Variants in TRAM1 observed in about 807,000 individuals in gnomAD.
TRAM1 encodes translocation associated membrane protein 1.
A neutral mutation model predicts 48.7 loss-of-function variants in TRAM1; 17 were observed. The observed-to-expected ratio is 0.35, with a 90% CI of 0.24 to 0.52. The LOEUF (loss-of-function observed/expected upper bound fraction) is 0.52, where lower values mean the gene tolerates loss of function less well. TRAM1 is among the 20% of genes least tolerant of loss of function. The pLI, the probability that TRAM1 is intolerant of heterozygous loss-of-function variation, is 0.94. For synonymous variants in TRAM1, 182 were observed against 154.0 expected, an observed-to-expected ratio of 1.18 and a Z score of -1.34; for missense variants, 351 against 441.5, an observed-to-expected ratio of 0.79 and a Z score of 1.84.
At chr8:70,583,596 A>G (rs901606694) in intron 9 of TRAM1, 54 bp downstream of exon 9, 32 of 1,571,266 alleles carry the variant, frequency 2.0e-5, no homozygotes, top group African/African-American at 1.5e-4. Context: ...AGAGAAACTG[A>G]TAATATATAT....
At chr8:70,580,000 T>C (rs1435301243) in intron 10 of TRAM1, among the ~76,000 whole-genome samples, 1 of 152,128 alleles carries the variant, frequency 6.6e-6, no homozygotes, top group Non-Finnish European at 1.5e-5. Context: ...GTTAAAACTG[T>C]TTTTTAAAAA....
At chr8:70,586,436 TAAAA>T (rs1170046943) in intron 8 of TRAM1, among the ~76,000 whole-genome samples, 1 of 151,770 alleles carries the variant, frequency 6.6e-6, no homozygotes, top group East Asian at 1.9e-4. Flanking sequence ...AATAAAATAA[TAAAA>T]AAAGAGTCCC....
At chr8:70,577,163 G>T (rs1043891370) in intron 10 of TRAM1, among the ~76,000 whole-genome samples, 23 of 152,176 alleles carry the variant, frequency 1.5e-4, no homozygotes, top group Non-Finnish European at 3.2e-4. Flanking sequence ...TTTGGGTGCT[G>T]ATGAGCACGA....
intron 6 of TRAM1, among the ~76,000 whole-genome samples, chr8:70,591,400 C>T (rs911906405): frequency 6.6e-6 from 1 of 152,158 alleles, no homozygotes; most frequent in Non-Finnish European, 1.5e-5. Context: ...ACGGTGTTCA[C>T]ATGTCTGAGG....
intron 5 of TRAM1, among the ~76,000 whole-genome samples, chr8:70,595,775 C>T (rs1817473268): frequency 6.6e-6 from 1 of 152,122 alleles, no homozygotes; most frequent in African/African-American, 2.4e-5. Context: ...TAGAGCTGGG[C>T]TCGAATAATG....
At chr8:70,597,409 A>G (rs1817511676) in intron 4 of TRAM1, among the ~76,000 whole-genome samples, 1 of 152,028 alleles carries the variant, frequency 6.6e-6, no homozygotes, top group African/African-American at 2.4e-5. Context: ...TGGTGGCTCA[A>G]GCCTGTAATC....
intron 5 of TRAM1, 29 bp downstream of exon 5, chr8:70,596,234 C>A (rs1440952659): frequency 1.3e-6 from 2 of 1,544,034 alleles, no homozygotes; most frequent in Non-Finnish European, 8.7e-7. Context: ...TGGTCCTTAA[C>A]AAAGAAAGGG....
rs1228390647 is a variant in TRAM1, at chr8:70,586,937, A to G, written c.704T>C (p.Ile235Thr). 1 of 1,613,928 alleles carries G rather than the reference A, an allele frequency of 6.2e-7. No homozygotes were observed. Among genetic ancestry groups the G allele is most frequent in the East Asian group, 2.2e-5 (1 of 44,854 alleles). The change falls in exon 8 of 11, where the codon ATT becomes ACT. Residue 235 changes from isoleucine (I) to threonine (T), a missense_variant. Physicochemically the swap from Ile to Thr is moderately conservative, Grantham distance 89. Transcript: ENST00000262213. ...ATTGCTAAAATAAAACAGGCGGGAA[A>G]TGTGGAAAAGAAATTCAACAAAATA... ...LHYFVEFLFH[I>T]SRLFYFSNEK...
At chr8:70,578,132 A>G (rs1430289801) in intron 10 of TRAM1, among the ~76,000 whole-genome samples, 1 of 152,200 alleles carries the variant, frequency 6.6e-6, no homozygotes, top group African/African-American at 2.4e-5. Context: ...GATGCAAGCA[A>G]TACTCAGGCA....
chr8:70,590,319 T>C (rs1351150068), intron 6 of TRAM1, among the ~76,000 whole-genome samples: 1 of 152,198 alleles, frequency 6.6e-6, no homozygotes, highest in Non-Finnish European at 1.5e-5. Context: ...AAAAACACTA[T>C]TATAAATTAC....
rs746933192 is a variant in TRAM1, at chr8:70,574,460, C to A, written c.*472G>T. Reference sequence around the variant, plus strand: ...CCAGGTGTAAAGTCTACAAAAATTCCAAAAAATTAGAGAACACTGAAAACA... The same window carrying A: ...CCAGGTGTAAAGTCTACAAAAATTCAAAAAAATTAGAGAACACTGAAAACA... On this transcript the variant is annotated 3_prime_UTR_variant, in exon 11 of 11. Transcript: ENST00000262213. 18 of 208,092 alleles carry A rather than the reference C, an allele frequency of 8.7e-5. No homozygotes were observed. In the Middle Eastern group the frequency reaches 2.9e-3, roughly 33 times the overall value. The allele number at this position is 208,092 out of a possible 1,614,324, so 12.9% of individuals were successfully genotyped here.
At chr8:70,589,843 TCAAAA>T (rs529112697) in intron 6 of TRAM1, among the ~76,000 whole-genome samples, 21 of 152,194 alleles carry the variant, frequency 1.4e-4, no homozygotes, top group East Asian at 1.4e-3. Flanking sequence ...AGACCTTGTC[TCAAAA>T]CAAAACAAAA....
At chr8:70,606,334 G>A (rs28668160) in intron 1 of TRAM1, among the ~76,000 whole-genome samples, 4,087 of 152,194 alleles carry the variant, frequency 0.027, 164 homozygotes, top group African/African-American at 0.094. Flanking sequence ...GACCACAGGT[G>A]CGTGCTATCT....
At chr8:70,589,205 C>T (rs751961036) in intron 6 of TRAM1, among the ~76,000 whole-genome samples, 41 of 152,204 alleles carry the variant, frequency 2.7e-4, no homozygotes, top group South Asian at 8.3e-4. Context: ...AAAATTGATA[C>T]CAAGTTTACA....
At chr8:70,586,513 T>C (rs1030399978) in intron 8 of TRAM1, among the ~76,000 whole-genome samples, 5 of 152,160 alleles carry the variant, frequency 3.3e-5, no homozygotes, top group African/African-American at 9.7e-5. Flanking sequence ...AATTCTGTTT[T>C]CAGTTCAATT....
rs114035697 is a variant in TRAM1, at chr8:70,603,040, C to T, written c.124-2958G>A. On this transcript the variant is annotated intron_variant, in intron 1 of 10. Transcript: ENST00000262213. ...GGATACGGCCAGTAAAGTGAGTTGC[C>T]GAACTGGGTTAGATATGAAGGTCTC... is the stretch of plus-strand genomic sequence containing the variant. 9.9e-3 allele frequency among the ~76,000 whole-genome samples: 1,506 copies of T among 152,008 alleles called. 23 individuals carry two copies. Among genetic ancestry groups the T allele is most frequent in the African/African-American group, 0.034 (1,421 of 41,468 alleles).
chr8:70,600,375 C>T (rs1193313307), intron 1 of TRAM1, among the ~76,000 whole-genome samples: 2 of 152,104 alleles, frequency 1.3e-5, no homozygotes, highest in Non-Finnish European at 2.9e-5. Flanking sequence ...TGATGATTCT[C>T]TACTCTAGCC....
At chr8:70,591,164 G>A (rs747895941) in intron 6 of TRAM1, among the ~76,000 whole-genome samples, 3 of 152,126 alleles carry the variant, frequency 2.0e-5, no homozygotes, top group Non-Finnish European at 4.4e-5. Flanking sequence ...TTAGAGATGA[G>A]TCTCATTACA....
At chr8:70,577,222 AC>A (rs906843236) in intron 10 of TRAM1, among the ~76,000 whole-genome samples, 1 of 151,944 alleles carries the variant, frequency 6.6e-6, no homozygotes, top group Non-Finnish European at 1.5e-5. Flanking sequence ...GTCTGTAGGC[AC>A]CCCTTGGCAT....
Sources: gnomAD v4.1 joint callset for allele counts (sites outside exome capture counted in the v4.1 genomes callset) on GRCh38, gnomAD v4.1.1 for gene constraint, MANE v1.5 for transcripts, NCBI Gene and HGNC (gene_info 2026-07-23, HGNC 2026-07-21) for gene names.